The following EBF2 variants were observed in gnomAD, a reference collection of about 807,000 sequenced individuals.
EBF2 encodes EBF transcription factor 2.
A neutral mutation model predicts 72.8 loss-of-function variants in EBF2; 21 were observed. That is an observed-to-expected ratio of 0.29 (90% confidence interval 0.20 to 0.42). The LOEUF (loss-of-function observed/expected upper bound fraction) is 0.42, where lower values mean the gene tolerates loss of function less well. Ranked by LOEUF, EBF2 falls within the 10% of genes least tolerant of loss-of-function variation. EBF2 has a pLI of 1.00. For synonymous variants in EBF2, 299 were observed against 274.2 expected (o/e 1.09, Z -0.89); for missense variants, 637 against 731.2 (o/e 0.87, Z 1.49).
At chr8:25,884,387 G>A (rs1802654660) in intron 10 of EBF2, among the ~76,000 whole-genome samples, 1 of 152,078 alleles carries the variant, frequency 6.6e-6, no homozygotes, top group African/African-American at 2.4e-5. Flanking sequence ...GAGGAGGATG[G>A]AGAAAGAAGG....
At chr8:25,980,104 ACTCT>A (rs1371150571) in intron 6 of EBF2, among the ~76,000 whole-genome samples, 1 of 152,040 alleles carries the variant, frequency 6.6e-6, no homozygotes, top group Non-Finnish European at 1.5e-5. Context: ...ACAGATCCTG[ACTCT>A]CTCATTCCCT....
At chr8:26,018,496 C>CAAAAAAAAA (rs10555042) in intron 6 of EBF2, among the ~76,000 whole-genome samples, 341 of 81,500 alleles carry the variant, frequency 4.2e-3, no homozygotes, top group Non-Finnish European at 5.5e-3. Flanking sequence ...ACTAAAAATA[C>CAAAAAAAAA]AAAAAAAAAA....
At chr8:25,923,726 G>A (rs1253144866) in intron 6 of EBF2, among the ~76,000 whole-genome samples, 1 of 152,044 alleles carries the variant, frequency 6.6e-6, no homozygotes, top group African/African-American at 2.4e-5. Flanking sequence ...GCCTAGTGAG[G>A]GCCAGGTCAT....
At chr8:25,889,951 T>C (rs1802751249) in intron 7 of EBF2, 82 bp from the exon 8 acceptor site, 1 of 1,173,528 alleles carries the variant, frequency 8.5e-7, no homozygotes, top group Admixed American at 1.7e-5. Context: ...AAAATTCTGT[T>C]TTGCCACACT....
At chr8:25,963,953 T>C (rs1804074769) in intron 6 of EBF2, among the ~76,000 whole-genome samples, 2 of 152,228 alleles carry the variant, frequency 1.3e-5, no homozygotes. Flanking sequence ...TTTAAAATTA[T>C]AATTGAATGG....
chr8:25,937,312 C>G (rs540513631), intron 6 of EBF2, among the ~76,000 whole-genome samples: 1 of 152,154 alleles, frequency 6.6e-6, no homozygotes, highest in African/African-American at 2.4e-5. Flanking sequence ...TCTCTACCAT[C>G]CAAAAATGTC....
intron 6 of EBF2, among the ~76,000 whole-genome samples, chr8:25,919,617 G>C (rs1224766874): frequency 6.6e-6 from 1 of 151,996 alleles, no homozygotes; most frequent in East Asian, 1.9e-4. Context: ...CTCAATACCA[G>C]GCAGCCAAAA....
intron 6 of EBF2, among the ~76,000 whole-genome samples, chr8:25,921,603 GT>G (rs1803306589): frequency 6.6e-6 from 1 of 152,108 alleles, no homozygotes; most frequent in Non-Finnish European, 1.5e-5. Context: ...CTTTTTGGAG[GT>G]TTCCACATCT....
In EBF2 at chr8:26,044,599, G is replaced by T. The variant is rs1805669471; in HGVS notation, c.131+130C>A. 7 of 1,359,988 alleles carry T rather than the reference G, an allele frequency of 5.1e-6. 1 individual carries two copies. The South Asian group carries it at 9.7e-5, about 19-fold the overall frequency. The allele number at this position is 1,359,988 out of a possible 1,614,324, so 84.2% of individuals were successfully genotyped here. On this transcript the variant is annotated intron_variant, in intron 1 of 15. Transcript: ENST00000520164. This position sits in a 1 kb window ranked among gnomAD's most constrained non-coding sequence, Gnocchi z 4.1. ...TGCTTGCCCGAGGGCGAGCCCCAGC[G>T]CGCAGGGCCTGGGCGACAGATGGGG...
chr8:26,017,154 TAAAA>T (rs760786092), intron 6 of EBF2, among the ~76,000 whole-genome samples: 1 of 139,392 alleles, frequency 7.2e-6, no homozygotes, highest in Admixed American at 7.2e-5. Flanking sequence ...TCCCCTTATT[TAAAA>T]AAAAAAAAAA....
chr8:25,847,119 A>G (rs1366801509), intron 15 of EBF2, among the ~76,000 whole-genome samples: 4 of 152,132 alleles, frequency 2.6e-5, no homozygotes, highest in Non-Finnish European at 5.9e-5. Flanking sequence ...AATGGTGATA[A>G]TGGCATGACT....
At chr8:25,890,133 T>C (rs1802754348) in intron 7 of EBF2, among the ~76,000 whole-genome samples, 1 of 152,212 alleles carries the variant, frequency 6.6e-6, no homozygotes, top group East Asian at 1.9e-4. Context: ...ACCATCTGCC[T>C]GCTGGTTCCA....
chr8:25,871,778 T>C (rs1311337954), intron 10 of EBF2, among the ~76,000 whole-genome samples: 1 of 152,254 alleles, frequency 6.6e-6, no homozygotes, highest in Non-Finnish European at 1.5e-5. Context: ...GATTTCATAA[T>C]ATTTCTCTTG....
At chr8:25,916,746 C>T (rs931076740) in intron 6 of EBF2, among the ~76,000 whole-genome samples, 4 of 152,166 alleles carry the variant, frequency 2.6e-5, no homozygotes, top group African/African-American at 9.7e-5. Flanking sequence ...TTCCTGTTTT[C>T]AGTAAACTCT....
intron 6 of EBF2, among the ~76,000 whole-genome samples, chr8:25,945,089 C>CG (rs1009820541): frequency 2.8e-4 from 2 of 7,140 alleles, no homozygotes; most frequent in East Asian, 3.2e-3. Flanking sequence ...TGTTCTGTTG[C>CG]CCCCCCCGCC....
At chr8:25,949,896 T>C (rs1304956687) in intron 6 of EBF2, among the ~76,000 whole-genome samples, 1 of 152,186 alleles carries the variant, frequency 6.6e-6, no homozygotes, top group Admixed American at 6.5e-5. Flanking sequence ...AGGATGACAG[T>C]TTTGGTGAAA....
intron 6 of EBF2, among the ~76,000 whole-genome samples, chr8:25,948,029 G>A (rs181815658): frequency 6.6e-6 from 1 of 152,290 alleles, no homozygotes; most frequent in Admixed American, 6.5e-5. Context: ...CTAAGGCCAC[G>A]CACGATGCCA....
intron 6 of EBF2, among the ~76,000 whole-genome samples, chr8:26,015,421 C>A (rs1187791921): frequency 6.6e-6 from 1 of 152,228 alleles, no homozygotes; most frequent in East Asian, 1.9e-4. Flanking sequence ...CCTCTCACCA[C>A]CCCCACATTA....
At chr8:25,848,224 T>C (rs779826926) in intron 15 of EBF2, among the ~76,000 whole-genome samples, 16 of 152,118 alleles carry the variant, frequency 1.1e-4, no homozygotes, top group Non-Finnish European at 1.0e-4. Flanking sequence ...AGGATTCAAA[T>C]GAGGTTTGGG....
Sources: gnomAD v4.1 joint callset for allele counts (sites outside exome capture counted in the v4.1 genomes callset) on GRCh38, gnomAD v4.1.1 for gene constraint, Gnocchi (gnomAD v3.1) non-coding constraint, MANE v1.5 for transcripts, NCBI Gene and HGNC (gene_info 2026-07-23, HGNC 2026-07-21) for gene names.